The following HPSE2 variants were observed in gnomAD, a reference collection of about 807,000 sequenced individuals.
HPSE2 encodes inactive heparanase-2.
A neutral mutation model predicts 60.5 loss-of-function variants in HPSE2; 38 were observed. The observed-to-expected ratio is 0.63, with a 90% CI of 0.48 to 0.82. The LOEUF (loss-of-function observed/expected upper bound fraction) is 0.82, where lower values mean the gene tolerates loss of function less well. HPSE2 is among the 40% of genes least tolerant of loss of function. The pLI, the probability that HPSE2 is intolerant of heterozygous loss-of-function variation, is 0.00. For synonymous variants in HPSE2, 295 were observed against 293.2 expected, an observed-to-expected ratio of 1.01 and a Z score of -0.06; for missense variants, 713 against 740.4, an observed-to-expected ratio of 0.96 and a Z score of 0.43.
At chr10:99,169,049 C>T (rs1303394544) in intron 2 of HPSE2, among the ~76,000 whole-genome samples, 1 of 151,626 alleles carries the variant, frequency 6.6e-6, no homozygotes, top group Non-Finnish European at 1.5e-5. Context: ...AAAAATTAGC[C>T]AGGCGTGGTG....
At chr10:98,740,562 T>C (rs192454088) in intron 4 of HPSE2, among the ~76,000 whole-genome samples, 9 of 152,318 alleles carry the variant, frequency 5.9e-5, no homozygotes, top group Admixed American at 5.9e-4. Flanking sequence ...TTGTGGTCTG[T>C]AGCCCACACT....
chr10:98,704,090 T>C (rs1208942753), intron 5 of HPSE2, among the ~76,000 whole-genome samples: 3 of 152,094 alleles, frequency 2.0e-5, no homozygotes, highest in Non-Finnish European at 4.4e-5. Flanking sequence ...AAAATCAAAG[T>C]GCAAAAATCA....
intron 9 of HPSE2, among the ~76,000 whole-genome samples, chr10:98,524,903 A>ACTT (rs577884250): frequency 1.1e-3 from 169 of 152,374 alleles, no homozygotes; most frequent in African/African-American, 3.9e-3. Flanking sequence ...TAAAATTTTA[A>ACTT]CTTTTCTTTA....
chr10:99,088,713 G>A (rs1270822669), intron 3 of HPSE2, among the ~76,000 whole-genome samples: 2 of 152,154 alleles, frequency 1.3e-5, no homozygotes, highest in Non-Finnish European at 2.9e-5. Flanking sequence ...CCTCTGGGTA[G>A]ATACCCAGGA....
At chr10:98,537,813 C>T (rs982441867) in intron 9 of HPSE2, among the ~76,000 whole-genome samples, 11 of 152,208 alleles carry the variant, frequency 7.2e-5, no homozygotes, top group South Asian at 6.2e-4. Flanking sequence ...TGCAGTCATC[C>T]GGAGGCCTAA....
At chr10:99,130,148 A>C (rs891973131) in intron 3 of HPSE2, among the ~76,000 whole-genome samples, 4 of 152,120 alleles carry the variant, frequency 2.6e-5, no homozygotes, top group African/African-American at 9.7e-5. Flanking sequence ...AAAATTGCCA[A>C]CAAAAAAAAA....
intron 3 of HPSE2, among the ~76,000 whole-genome samples, chr10:98,765,498 A>G (rs74650288): frequency 6.6e-6 from 1 of 152,186 alleles, no homozygotes; most frequent in Non-Finnish European, 1.5e-5. Flanking sequence ...TGTGTGATGT[A>G]GCCAAAGCAG....
At chr10:98,765,608 G>C (rs1355144390) in intron 3 of HPSE2, among the ~76,000 whole-genome samples, 2 of 152,134 alleles carry the variant, frequency 1.3e-5, no homozygotes, top group Non-Finnish European at 2.9e-5. Flanking sequence ...GGGAGGCCGA[G>C]ACGGGTGGAT....
At position 99,232,497 on chromosome 10, in the gene HPSE2, C is replaced by T; in HGVS notation, c.299G>A (p.Arg100His). ...DGWLDFLSSK[R>H]LVTLARGLSP... ...AAGTCCCCGGGCCAGGGTCACCAAG[C>T]GCTTGGAGCTGCAGAGGAAGAGAAT... The change falls in exon 2 of 12, where the codon CGC becomes CAC. Residue 100 changes from arginine to histidine, a missense_variant. By Grantham distance (29) the Arg-to-His change is conservative. Coordinates refer to ENST00000370552, the MANE Select transcript of HPSE2 (RefSeq NM_021828.5). 6.4e-7 allele frequency: 1 copy of T among 1,554,344 alleles called. No individual in the cohort carries two copies. The highest frequency in any genetic ancestry group is 8.7e-7 in the Non-Finnish European group (1 of 1,149,294).
At chr10:98,879,841 G>C (rs1564629286) in intron 3 of HPSE2, among the ~76,000 whole-genome samples, 1 of 133,436 alleles carries the variant, frequency 7.5e-6, no homozygotes, top group African/African-American at 2.9e-5. Flanking sequence ...ACAACAGTTG[G>C]TGTGCATGTG....
At chr10:98,742,876 T>C (rs1949533435) in intron 4 of HPSE2, among the ~76,000 whole-genome samples, 1 of 151,792 alleles carries the variant, frequency 6.6e-6, no homozygotes, top group Admixed American at 6.6e-5. Context: ...AAAATGAAAC[T>C]ATGAGTCCCC....
chr10:99,146,501 C>G (rs1254530853), intron 2 of HPSE2, among the ~76,000 whole-genome samples: 3 of 152,212 alleles, frequency 2.0e-5, no homozygotes, highest in African/African-American at 4.8e-5. Flanking sequence ...CCCTCCTATT[C>G]TCTATGTCTA....
chr10:98,827,486 T>G (rs1246456579), intron 3 of HPSE2, among the ~76,000 whole-genome samples: 1 of 152,042 alleles, frequency 6.6e-6, no homozygotes, highest in Admixed American at 6.6e-5. Context: ...GATTACAGGT[T>G]TGAGCCACTG....
At chr10:99,054,340 G>A (rs764844146) in intron 3 of HPSE2, among the ~76,000 whole-genome samples, 4 of 152,062 alleles carry the variant, frequency 2.6e-5, no homozygotes, top group Middle Eastern at 3.2e-3. Context: ...AGAACAGAGC[G>A]ATCTTGTTAA....
rs189163589 is a variant in HPSE2, at chr10:98,850,659, C to T, written c.611-106603G>A. Reference sequence around the variant, plus strand: ...GGCTGAGGCAGGAGAATGGCGTGAACCCAGGAGGTGGAGCTTGCAGTGAGC... The same window carrying T: ...GGCTGAGGCAGGAGAATGGCGTGAATCCAGGAGGTGGAGCTTGCAGTGAGC... On this transcript the variant is annotated intron_variant, in intron 3 of 11. Coordinates refer to ENST00000370552, the MANE Select transcript of HPSE2 (RefSeq NM_021828.5). 3.4e-3 allele frequency among the ~76,000 whole-genome samples: 503 copies of T among 148,042 alleles called. 2 individuals are homozygous for T. The highest frequency in any genetic ancestry group is 6.2e-3 in the Admixed American group (90 of 14,630).
At chr10:98,515,387 G>A (rs538267841) in intron 9 of HPSE2, among the ~76,000 whole-genome samples, 1 of 152,148 alleles carries the variant, frequency 6.6e-6, no homozygotes, top group East Asian at 1.9e-4. Flanking sequence ...ATTTTTAATG[G>A]AGAAAAATCT....
At chr10:99,094,533 TATATATA>T (rs1482620084) in intron 3 of HPSE2, among the ~76,000 whole-genome samples, 10 of 22,430 alleles carry the variant, frequency 4.5e-4, no homozygotes, top group African/African-American at 8.0e-4. Flanking sequence ...TATATATATA[TATATATA>T]TTTTTTTTTT....
chr10:99,291,746 G>A, the HPSE2 span, among the ~76,000 whole-genome samples: 2 of 152,124 alleles, frequency 1.3e-5, no homozygotes, highest in Non-Finnish European at 2.9e-5. Context: ...ATAGGGCTAG[G>A]CCCATCACCC....
intron 3 of HPSE2, among the ~76,000 whole-genome samples, chr10:98,985,004 T>A (rs1438921797): frequency 6.6e-6 from 1 of 152,098 alleles, no homozygotes; most frequent in East Asian, 1.9e-4. Flanking sequence ...AAAGACCAAA[T>A]CTACATATGA....
Sources: gnomAD v4.1 joint callset for allele counts (sites outside exome capture counted in the v4.1 genomes callset) on GRCh38, gnomAD v4.1.1 for gene constraint, MANE v1.5 for transcripts, NCBI Gene and HGNC (gene_info 2026-07-23, HGNC 2026-07-21) for gene names.